The following EN2 variants were observed in gnomAD, a reference collection of about 807,000 sequenced individuals.
EN2 encodes the protein engrailed homeobox 2.
In EN2, 7 loss-of-function variants were observed where a neutral mutation model predicts 25.0. The ratio of observed to expected loss-of-function variants is 0.28; its 90% CI spans 0.16 to 0.53. EN2 has a LOEUF of 0.53. Ranked by LOEUF, EN2 falls within the 20% of genes least tolerant of loss-of-function variation. The pLI, the probability that EN2 is intolerant of heterozygous loss-of-function variation, is 0.96. For missense variants in EN2, 524 were observed against 501.8 expected (o/e 1.04, Z -0.42); for synonymous variants, 277 against 243.3 (o/e 1.14, Z -1.29).
At position 155,462,357 on chromosome 7, in the gene EN2, C is replaced by T. The variant is rs1478753722; in HGVS notation, c.686-14C>T. 1.3e-6 allele frequency: 2 copies of T among 1,593,936 alleles called. No individual in the cohort carries two copies. Among genetic ancestry groups the T allele is most frequent in the South Asian group, 2.3e-5 (2 of 88,148 alleles). ...GGGTAACCTGACTTCTCTCTGTCCA[C>T]CGTATCTACCCAGGTCCCAGGTCTC... On this transcript the variant is annotated splice_polypyrimidine_tract_variant and intron_variant, in intron 1 of 1. Coordinates refer to ENST00000297375, the MANE Select transcript of EN2 (RefSeq NM_001427.4).
intron 1 of EN2, 52 bp downstream of exon 1, chr7:155,459,114 G>T: frequency 6.7e-7 from 1 of 1,498,130 alleles, no homozygotes; most frequent in Admixed American, 2.3e-5. Flanking sequence ...GGCCCGCGGA[G>T]CTGGGGGGCG....
At position 155,464,452 on chromosome 7, in the gene EN2, T is replaced by A. The variant is rs1188603165; in HGVS notation, c.*1765T>A. On this transcript the variant is annotated 3_prime_UTR_variant, in exon 2 of 2. Coordinates refer to ENST00000297375, the MANE Select transcript of EN2 (RefSeq NM_001427.4). Reference sequence around the variant, plus strand: ...TGAACTTCGCTCTTTGCCTTAAACCTCTTTATTTCATTGCAGTAATAGTTT... The same window carrying A: ...TGAACTTCGCTCTTTGCCTTAAACCACTTTATTTCATTGCAGTAATAGTTT... 6.6e-6 allele frequency: 1 copy of A among 152,666 alleles called. No individual in the cohort carries two copies. The highest frequency in any genetic ancestry group is 6.5e-5 in the Admixed American group (1 of 15,284). The allele number at this position is 152,666 out of a possible 1,614,324, so 9.5% of individuals were successfully genotyped here. A position where few individuals can be genotyped will look rare whatever the true frequency, so the allele number is the denominator to read the frequency against.
Position 155,462,388 on chromosome 7 carries a change from C to T in EN2, c.703C>T (p.Pro235Ser). 1 of 1,610,268 alleles carries T rather than the reference C, an allele frequency of 6.2e-7. No individual in the cohort carries two copies. The highest frequency in any genetic ancestry group is 8.5e-7 in the Non-Finnish European group (1 of 1,178,772). ...CTACCCAGGTCCCAGGTCTCGAAAA[C>T]CAAAGAAGAAGAACCCGAACAAAGA... ...RPSSGPRSRK[P>S]KKKNPNKEDK... Residue 235 changes from proline to serine, a missense_variant, in exon 2 of 2, where the codon CCA becomes TCA. By Grantham distance (74) the Pro-to-Ser change is moderately conservative (BLOSUM62 -1). Coordinates refer to ENST00000297375, the MANE Select transcript of EN2 (RefSeq NM_001427.4).
At chr7:155,462,252 CCTCGA>C in intron 1 of EN2, 114 bp from the exon 2 acceptor site, 1 of 1,168,932 alleles carries the variant, frequency 8.6e-7, no homozygotes, top group Non-Finnish European at 1.2e-6. Flanking sequence ...GGCGGTTCAG[CCTCGA>C]GTGGCCTTGG....
In EN2 at chr7:155,458,651, G is replaced by A; in HGVS notation, c.274G>A (p.Ala92Thr). ...RKDAGTCCAG[A>T]GGGRGGGAGG... ...GGACGCGGGGACCTGCTGTGCGGGCGCGGGAGGAGGAAGGGGCGGCGGAGC... is the reference window on the plus strand; with the variant it reads ...GGACGCGGGGACCTGCTGTGCGGGCACGGGAGGAGGAAGGGGCGGCGGAGC... Residue 92 changes from alanine (A) to threonine (T), a missense_variant, in exon 1 of 2, where the codon GCG becomes ACG. Ala to Thr is a moderately conservative substitution (Grantham distance 58, BLOSUM62 0). Transcript: ENST00000297375. 1 of 1,403,660 alleles carries A rather than the reference G, an allele frequency of 7.1e-7. No homozygotes were observed. The highest frequency in any genetic ancestry group is 9.3e-7 in the Non-Finnish European group (1 of 1,078,364). 87.0% of individuals were successfully genotyped at this position (1,403,660 alleles called of 1,614,324 possible). A position where few individuals can be genotyped will look rare whatever the true frequency, so the allele number is the denominator to read the frequency against.
At position 155,458,498 on chromosome 7, in the gene EN2, G is replaced by T. The variant is rs747042694; in HGVS notation, c.121G>T (p.Asp41Tyr). 2 of 1,317,260 alleles carry T rather than the reference G, an allele frequency of 1.5e-6. No individual in the cohort carries two copies. Among genetic ancestry groups the T allele is most frequent in the Non-Finnish European group, 9.7e-7 (1 of 1,031,448 alleles). 81.6% of individuals were successfully genotyped at this position (1,317,260 alleles called of 1,614,324 possible). Residue 41 changes from aspartate (D) to tyrosine (Y), a missense_variant, in exon 1 of 2, where the codon GAC (aspartate) becomes TAC (tyrosine). Coordinates refer to ENST00000297375, the MANE Select transcript of EN2 (RefSeq NM_001427.4). ...CGGCGGTAGCAGCCCGGGCGAAGCG[G>T]ACACCGGGCGCCGGCGGGCTCTGAT... is the stretch of plus-strand genomic sequence containing the variant. ...GGGGSSPGEA[D>Y]TGRRRALMLP...
chr7:155,464,417 G>A lies in EN2; in HGVS notation c.*1730G>A, dbSNP rs1795735971. On this transcript the variant is annotated 3_prime_UTR_variant, in exon 2 of 2. Transcript: ENST00000297375. Reference sequence around the variant, plus strand: ...CTGGGAGTCCCGCTGGTCTCCCTGAGGACTGAGGGTGAACTTCGCTCTTTG... The same window carrying A: ...CTGGGAGTCCCGCTGGTCTCCCTGAAGACTGAGGGTGAACTTCGCTCTTTG... The A allele has an allele frequency of 6.6e-6, 1 of 152,602 alleles. No individual in the cohort carries two copies. The highest frequency in any genetic ancestry group is 1.5e-5 in the Non-Finnish European group (1 of 68,054). 9.5% of individuals were successfully genotyped at this position (152,602 alleles called of 1,614,324 possible).
At chr7:155,459,764 G>A (rs1795673732) in intron 1 of EN2, among the ~76,000 whole-genome samples, 1 of 152,244 alleles carries the variant, frequency 6.6e-6, no homozygotes, top group Admixed American at 6.5e-5. Context: ...GAGGACAAGG[G>A]AGGCAGCCGT....
rs1489579005 is a variant in EN2, at chr7:155,458,176, A to G, written c.-202A>G. ...GGGCGGCTCGTGGTGTTTCTAACCCAGTTCGTGGATTCAAAGGTGGCTCCG... is the reference window on the plus strand; with the variant it reads ...GGGCGGCTCGTGGTGTTTCTAACCCGGTTCGTGGATTCAAAGGTGGCTCCG... On this transcript the variant is annotated 5_prime_UTR_variant, in exon 1 of 2. Coordinates refer to ENST00000297375, the MANE Select transcript of EN2 (RefSeq NM_001427.4). 1.9e-6 allele frequency: 1 copy of G among 536,272 alleles called. No individual in the cohort carries two copies. Among genetic ancestry groups the G allele is most frequent in the Non-Finnish European group, 2.9e-6 (1 of 348,978 alleles). The allele number at this position is 536,272 out of a possible 1,614,324, so 33.2% of individuals were successfully genotyped here. A position where few individuals can be genotyped will look rare whatever the true frequency, so the allele number is the denominator to read the frequency against.
Position 155,458,286 on chromosome 7 carries a change from G to GCGCGGGGGTCTCCGTGTGCGC in EN2, c.-85_-65dup. ...CCTCGGAAGACTCGGCGGGGTGGGG[G>GCGCGGGGGTCTCCGTGTGCGC]CGCGGGGGTCTCCGTGTGCGCCGCG... On this transcript the variant is annotated 5_prime_UTR_variant, in exon 1 of 2. Coordinates refer to ENST00000297375, the MANE Select transcript of EN2 (RefSeq NM_001427.4). 3 of 1,243,178 alleles carry GCGCGGGGGTCTCCGTGTGCGC rather than the reference G, an allele frequency of 2.4e-6. No individual in the cohort carries two copies. The highest frequency in any genetic ancestry group is 1.0e-6 in the Non-Finnish European group (1 of 986,094). 77.0% of individuals were successfully genotyped at this position (1,243,178 alleles called of 1,614,324 possible).
At chr7:155,461,135 TCTC>T (rs1795690059) in intron 1 of EN2, among the ~76,000 whole-genome samples, 3 of 151,944 alleles carry the variant, frequency 2.0e-5, no homozygotes, top group African/African-American at 4.8e-5. Context: ...ACATTCCTCT[TCTC>T]CTCAGTGTGC....
At chr7:155,462,329 T>C in intron 1 of EN2, 42 bp from the exon 2 acceptor site, 2 of 1,562,178 alleles carry the variant, frequency 1.3e-6, no homozygotes, top group Non-Finnish European at 1.7e-6. Context: ...GTGGCACACC[T>C]CTGGGTAACC....
In EN2 at chr7:155,458,716, C is replaced by T. The variant is rs1172072352; in HGVS notation, c.339C>T (p.Gly113=). The change falls in exon 1 of 2, where the codon GGC becomes GGT. Residue 113 remains glycine, a synonymous_variant. Transcript: ENST00000297375. ...EGGASGAEGG[G]GAGGSEQLLG... is the part of the protein sequence containing the mutation. ...GCGCGAGCGGTGCGGAGGGAGGCGG[C>T]GGCGCGGGCGGCTCGGAGCAGCTCT... is the stretch of plus-strand genomic sequence containing the variant. 7.5e-7 allele frequency: 1 copy of T among 1,328,528 alleles called. No individual in the cohort carries two copies. The highest frequency in any genetic ancestry group is 9.6e-7 in the Non-Finnish European group (1 of 1,045,612). 82.3% of individuals were successfully genotyped at this position (1,328,528 alleles called of 1,614,324 possible). A position where few individuals can be genotyped will look rare whatever the true frequency, so the allele number is the denominator to read the frequency against.
At position 155,462,661 on chromosome 7, in the gene EN2, A is replaced by G. The variant is rs1212337267; in HGVS notation, c.976A>G (p.Lys326Glu). 3 of 1,597,822 alleles carry G rather than the reference A, an allele frequency of 1.9e-6. No individual in the cohort carries two copies. Among genetic ancestry groups the G allele is most frequent in the Middle Eastern group, 1.7e-4 (1 of 6,042 alleles). The change falls in exon 2 of 2, where the codon AAG becomes GAG. Residue 326 changes from lysine to glutamate, a missense_variant. Transcript: ENST00000297375. ...CTTGTACAACCACTCCACCACAGCC[A>G]AGGAGGGCAAGTCGGACAGCGAGTA... ...QGLYNHSTTA[K>E]EGKSDSE
rs532391062 is a variant in EN2, at chr7:155,458,452, C to G, written c.75C>G (p.Pro25=). The stretch of plus-strand genomic sequence containing the variant: ...GACAGCGGCAGCCGGAATCCAGCCC[C>G]GGCGGCGGCTCGGGCGGCGGCGGCG... ...VEGQRQPESS[P]GGGSGGGGGS... The change falls in exon 1 of 2, where the codon CCC becomes CCG. Residue 25 remains proline (P), a synonymous_variant. Coordinates refer to ENST00000297375, the MANE Select transcript of EN2 (RefSeq NM_001427.4). The G allele has an allele frequency of 3.8e-6, 5 of 1,304,724 alleles. No individual in the cohort carries two copies. Among genetic ancestry groups the G allele is most frequent in the Non-Finnish European group, 4.9e-6 (5 of 1,026,476 alleles). The allele number at this position is 1,304,724 out of a possible 1,614,324, so 80.8% of individuals were successfully genotyped here. A position where few individuals can be genotyped will look rare whatever the true frequency, so the allele number is the denominator to read the frequency against.
At position 155,462,878 on chromosome 7, in the gene EN2, T is replaced by C. The variant is rs923061847; in HGVS notation, c.*191T>C. 11 of 701,152 alleles carry C rather than the reference T, an allele frequency of 1.6e-5. No homozygotes were observed. The highest frequency in any genetic ancestry group is 1.5e-4 in the Admixed American group (4 of 26,178). 43.4% of individuals were successfully genotyped at this position (701,152 alleles called of 1,614,324 possible). A position where few individuals can be genotyped will look rare whatever the true frequency, so the allele number is the denominator to read the frequency against. Reference sequence around the variant, plus strand: ...AAATCCAAAATATCTGACTATAAAATATTTTTTTGAGTTTTTTGTGTTTAT... The same window carrying C: ...AAATCCAAAATATCTGACTATAAAACATTTTTTTGAGTTTTTTGTGTTTAT... On this transcript the variant is annotated 3_prime_UTR_variant, in exon 2 of 2. Transcript: ENST00000297375.
At position 155,462,377 on chromosome 7, in the gene EN2, G is replaced by T; in HGVS notation, c.692G>T (p.Arg231Met). The T allele has an allele frequency of 6.2e-7, 1 of 1,608,866 alleles. No homozygotes were observed. The highest frequency in any genetic ancestry group is 8.5e-7 in the Non-Finnish European group (1 of 1,178,102). Residue 231 changes from arginine to methionine, a missense_variant, in exon 2 of 2, where the codon AGG (arginine) becomes ATG (methionine). Arg to Met is a moderately conservative substitution (Grantham distance 91). Transcript: ENST00000297375. ...RYSDRPSSGP[R>M]SRKPKKKNPN... Reference sequence around the variant, plus strand: ...GTCCACCGTATCTACCCAGGTCCCAGGTCTCGAAAACCAAAGAAGAAGAAC... The same window carrying T: ...GTCCACCGTATCTACCCAGGTCCCATGTCTCGAAAACCAAAGAAGAAGAAC...
At chr7:155,461,464 C>A (rs1014379400) in intron 1 of EN2, among the ~76,000 whole-genome samples, 1 of 152,240 alleles carries the variant, frequency 6.6e-6, no homozygotes. Context: ...AAACCTGGGG[C>A]AGGTCCACAG....
intron 1 of EN2, among the ~76,000 whole-genome samples, chr7:155,459,782 G>C (rs1795674038): frequency 6.6e-6 from 1 of 152,224 alleles, no homozygotes; most frequent in Non-Finnish European, 1.5e-5. Flanking sequence ...CGTCCCTCCC[G>C]GCACCTGCCA....
Sources: gnomAD v4.1 joint callset for allele counts (sites outside exome capture counted in the v4.1 genomes callset) on GRCh38, gnomAD v4.1.1 for gene constraint, MANE v1.5 for transcripts, NCBI Gene and HGNC (gene_info 2026-07-23, HGNC 2026-07-21) for gene names.